Variants in TMEM178B observed in about 807,000 individuals in gnomAD.
TMEM178B encodes the protein transmembrane protein 178B.
TMEM178B carries 5 observed loss-of-function variants against 31.0 expected under a neutral mutation model. That is an observed-to-expected ratio of 0.16 (90% CI 0.08 to 0.34). The LOEUF (loss-of-function observed/expected upper bound fraction) is 0.34. Among genes scored for constraint, TMEM178B ranks in the 10% least tolerant of loss-of-function variants. The pLI is 1.00. For synonymous variants in TMEM178B, 164 were observed against 164.0 expected (o/e 1.00, Z 0.00); for missense variants, 275 against 400.3 (o/e 0.69, Z 2.67).
At chr7:141,502,039 G>T in the TMEM178B span, among the ~76,000 whole-genome samples, 1 of 152,012 alleles carries the variant, frequency 6.6e-6, no homozygotes, top group African/African-American at 2.4e-5. Context: ...GTTCTGAGTT[G>T]GTCTGTCCAC....
At chr7:141,379,620 T>A (rs909985953) in intron 2 of TMEM178B, among the ~76,000 whole-genome samples, 7 of 152,228 alleles carry the variant, frequency 4.6e-5, no homozygotes, top group African/African-American at 1.7e-4. Flanking sequence ...CCCGCAACTT[T>A]GCCCAATAGA....
intron 2 of TMEM178B, among the ~76,000 whole-genome samples, chr7:141,268,119 G>GT (rs928827940): frequency 3.7e-4 from 56 of 151,910 alleles, no homozygotes; most frequent in African/African-American, 1.1e-3. Context: ...TTCTAATTTT[G>GT]TTTTTTTTGC....
intron 2 of TMEM178B, among the ~76,000 whole-genome samples, chr7:141,343,387 C>T (rs1477007277): frequency 6.6e-6 from 1 of 152,126 alleles, no homozygotes; most frequent in Admixed American, 6.5e-5. Context: ...TGGCACTCCC[C>T]ATGTCTGCCT....
intron 1 of TMEM178B, among the ~76,000 whole-genome samples, chr7:141,076,909 T>G (rs1285999987): frequency 6.6e-6 from 1 of 152,206 alleles, no homozygotes; most frequent in East Asian, 1.9e-4. Context: ...TTGTTAGGTA[T>G]TATTGAGATA....
chr7:141,227,804 T>A (rs1023661833), intron 2 of TMEM178B, among the ~76,000 whole-genome samples: 1 of 152,168 alleles, frequency 6.6e-6, no homozygotes, highest in Non-Finnish European at 1.5e-5. Flanking sequence ...ACAGCAGGGA[T>A]TCTGAGGAGT....
intron 2 of TMEM178B, among the ~76,000 whole-genome samples, chr7:141,369,910 T>A (rs1800082136): frequency 6.6e-6 from 1 of 152,176 alleles, no homozygotes; most frequent in Admixed American, 6.5e-5. Flanking sequence ...GAGAAACAAA[T>A]AAAGAGAACA....
At position 141,363,700 on chromosome 7, in the gene TMEM178B, G is replaced by A. The variant is rs138757108; in HGVS notation, c.497-73908G>A. 2.0e-3 allele frequency among the ~76,000 whole-genome samples: 309 copies of A among 152,240 alleles called. 3 individuals carry two copies. Among genetic ancestry groups the A allele is most frequent in the African/African-American group, 7.3e-3 (303 of 41,556 alleles). On this transcript the variant is annotated intron_variant, in intron 2 of 3. Coordinates refer to ENST00000565468, the MANE Select transcript of TMEM178B (RefSeq NM_001195278.2). ...TTCTGTGGAAGTTAGGTCTCTTGTA[G>A]TTGCTCATTTGAAACAAAGTGCTGT...
chr7:141,198,355 A>T (rs1430536485), intron 1 of TMEM178B, among the ~76,000 whole-genome samples: 1 of 152,218 alleles, frequency 6.6e-6, no homozygotes, highest in Non-Finnish European at 1.5e-5. Context: ...CCACACCCAG[A>T]GGTGGCAGCG....
chr7:141,279,611 G>A (rs539350693), intron 2 of TMEM178B, among the ~76,000 whole-genome samples: 4 of 152,126 alleles, frequency 2.6e-5, no homozygotes, highest in Non-Finnish European at 5.9e-5. Flanking sequence ...CCTTAGCAAG[G>A]CAAAATCTAG....
chr7:141,243,386 C>T (rs956178684), intron 2 of TMEM178B, among the ~76,000 whole-genome samples: 11 of 152,106 alleles, frequency 7.2e-5, no homozygotes, highest in East Asian at 1.9e-4. Flanking sequence ...AGGGGTGGAG[C>T]GCGGTCAGCT....
At chr7:141,291,288 T>TGAGA (rs1798541701) in intron 2 of TMEM178B, among the ~76,000 whole-genome samples, 2 of 152,178 alleles carry the variant, frequency 1.3e-5, no homozygotes, top group African/African-American at 4.8e-5. Flanking sequence ...GGGAAATCTT[T>TGAGA]TTATGATCTC....
intron 2 of TMEM178B, among the ~76,000 whole-genome samples, chr7:141,420,420 C>G (rs943180489): frequency 6.6e-6 from 1 of 152,106 alleles, no homozygotes; most frequent in African/African-American, 2.4e-5. Context: ...AGGTAAGATA[C>G]TGACTTTAGT....
intron 2 of TMEM178B, among the ~76,000 whole-genome samples, chr7:141,237,511 T>A (rs1797546410): frequency 1.3e-5 from 2 of 152,196 alleles, no homozygotes; most frequent in African/African-American, 4.8e-5. Context: ...TAGATTATGC[T>A]TCTAGCTAGA....
intron 2 of TMEM178B, among the ~76,000 whole-genome samples, chr7:141,346,923 TGTG>T (rs1337324496): frequency 3.3e-5 from 5 of 152,136 alleles, no homozygotes; most frequent in Non-Finnish European, 7.4e-5. Flanking sequence ...GTAATTGGAT[TGTG>T]GGTGTGGTGT....
intron 1 of TMEM178B, among the ~76,000 whole-genome samples, chr7:141,106,341 G>A (rs559351258): frequency 3.3e-4 from 51 of 152,258 alleles, no homozygotes; most frequent in African/African-American, 8.7e-4. Context: ...CAATTAAACC[G>A]TTAAATAATT....
At chr7:141,169,213 A>C (rs1254742728) in intron 1 of TMEM178B, among the ~76,000 whole-genome samples, 1 of 152,184 alleles carries the variant, frequency 6.6e-6, no homozygotes, top group Non-Finnish European at 1.5e-5. Flanking sequence ...CCACCATCCG[A>C]TAGGCCCCAG....
Position 141,198,274 on chromosome 7 carries a change from G to C in TMEM178B, c.383-14317G>C, listed in dbSNP as rs528538718. 1.1e-4 allele frequency among the ~76,000 whole-genome samples: 16 copies of C among 152,294 alleles called. No individual in the cohort carries two copies. In the South Asian group the frequency reaches 3.1e-3, roughly 30 times the overall value. ...TGCCTGGCCTTGGCCTTCTGGAGGTGCATACCTGGGGGAGGCAGACTTGAC... is the reference window on the plus strand; with the variant it reads ...TGCCTGGCCTTGGCCTTCTGGAGGTCCATACCTGGGGGAGGCAGACTTGAC... On this transcript the variant is annotated intron_variant, in intron 1 of 3. Coordinates refer to ENST00000565468, the MANE Select transcript of TMEM178B (RefSeq NM_001195278.2).
At position 141,176,831 on chromosome 7, in the gene TMEM178B, T is replaced by C. The variant is rs1287773450; in HGVS notation, c.383-35760T>C. On this transcript the variant is annotated intron_variant, in intron 1 of 3. Coordinates refer to ENST00000565468, the MANE Select transcript of TMEM178B (RefSeq NM_001195278.2). ...CTCTTTATCATTTTTTATGCGTCTA[T>C]TTGATTCTTCTCTCTTTTCTTATTA... Among the ~76,000 whole-genome samples, 3 of 152,202 alleles carry C rather than the reference T, an allele frequency of 2.0e-5. No individual in the cohort carries two copies. The East Asian group carries it at 5.8e-4, about 29-fold the overall frequency.
In TMEM178B at chr7:141,344,532, G is replaced by A. The variant is rs904774992; in HGVS notation, c.497-93076G>A. Among the ~76,000 whole-genome samples, 1 of 151,868 alleles carries A rather than the reference G, an allele frequency of 6.6e-6. No homozygotes were observed. Among genetic ancestry groups the A allele is most frequent in the Non-Finnish European group, 1.5e-5 (1 of 67,956 alleles). ...TGTAATTTTAAGACTTTTTAAAGCTGGGATTTTAGTTTCTCCCTCCCTCCC... is the reference window on the plus strand; with the variant it reads ...TGTAATTTTAAGACTTTTTAAAGCTAGGATTTTAGTTTCTCCCTCCCTCCC... On this transcript the variant is annotated intron_variant, in intron 2 of 3. Transcript: ENST00000565468. This position sits in a 1 kb window ranked among gnomAD's most constrained non-coding sequence, Gnocchi z 4.1.
Sources: allele counts gnomAD v4.1 joint callset (sites outside exome capture counted in the v4.1 genomes callset), GRCh38; gene constraint gnomAD v4.1.1; non-coding constraint Gnocchi (gnomAD v3.1); transcripts MANE v1.5; gene names NCBI Gene and HGNC (gene_info 2026-07-23, HGNC 2026-07-21).